The following ABCC5 variants were observed in gnomAD, a reference collection of about 807,000 sequenced individuals.
ABCC5 encodes ATP-binding cassette sub-family C member 5.
ABCC5 carries 61 observed loss-of-function variants against 160.9 expected under a neutral mutation model. That is an observed-to-expected ratio of 0.38 (90% CI 0.31 to 0.47). The LOEUF is 0.47. ABCC5 is among the 20% of genes least tolerant of loss of function. ABCC5 has a pLI of 0.99. For missense variants in ABCC5, 1,308 were observed against 1,813.3 expected (o/e 0.72, Z 5.06); for synonymous variants, 666 against 700.6 (o/e 0.95, Z 0.78).
Position 183,942,870 on chromosome 3 carries a change from G to A in ABCC5, c.3551C>T (p.Ser1184Phe). 6.2e-7 allele frequency: 1 copy of A among 1,614,106 alleles called. No homozygotes were observed. The highest frequency in any genetic ancestry group is 2.2e-5 in the East Asian group (1 of 44,882). Residue 1184 changes from serine (S) to phenylalanine (F), a missense_variant, in exon 25 of 30, where the codon TCC becomes TTC. Coordinates refer to ENST00000334444, the MANE Select transcript of ABCC5 (RefSeq NM_005688.4). Reference protein sequence around the residue: ...APARIKNKAPSPDWPQEGEVT... With the variant: ...APARIKNKAPFPDWPQEGEVT... Reference sequence around the variant, plus strand: ...CTCTCCCTCCTGGGGCCAGTCAGGGGAGGGAGCCTTGTTCTTAATTCTGGC... The same window carrying A: ...CTCTCCCTCCTGGGGCCAGTCAGGGAAGGGAGCCTTGTTCTTAATTCTGGC...
chr3:183,984,633 C>T (rs760414761), intron 5 of ABCC5: 14 of 1,419,226 alleles, frequency 9.9e-6, no homozygotes, highest in Non-Finnish European at 1.3e-5. Context: ...CTTCAGATTC[C>T]AAGAACTACT....
At chr3:184,009,900 G>T in intron 2 of ABCC5, 1 of 399,136 alleles carries the variant, frequency 2.5e-6, no homozygotes, top group Non-Finnish European at 5.1e-6. Flanking sequence ...TGTAATCCCA[G>T]CACTTTGGGA....
Position 183,937,823 on chromosome 3 carries a change from G to C in ABCC5, c.3854+78C>G, listed in dbSNP as rs971848580. Reference sequence around the variant, plus strand: ...GGTGAGCTCATGGTCCCAGGGGGCGGTGCTAGCATCATGTGGTCCCACATG... The same window carrying C: ...GGTGAGCTCATGGTCCCAGGGGGCGCTGCTAGCATCATGTGGTCCCACATG... On this transcript the variant is annotated intron_variant, in intron 26 of 29. Coordinates refer to ENST00000334444, the MANE Select transcript of ABCC5 (RefSeq NM_005688.4). 3 of 1,509,048 alleles carry C rather than the reference G, an allele frequency of 2.0e-6. No individual in the cohort carries two copies. In the African/African-American group the frequency reaches 4.1e-5, roughly 21 times the overall value. The allele number at this position is 1,509,048 out of a possible 1,614,324, so 93.5% of individuals were successfully genotyped here.
chr3:183,966,009 G>A (rs573990664), intron 12 of ABCC5, among the ~76,000 whole-genome samples: 62 of 152,316 alleles, frequency 4.1e-4, no homozygotes, highest in Admixed American at 1.1e-3. Context: ...ATTTACCAAT[G>A]ATGGACCTTG....
At chr3:183,984,650 C>T in intron 5 of ABCC5, 1 of 1,442,600 alleles carries the variant, frequency 6.9e-7, no homozygotes, top group Non-Finnish European at 9.1e-7. Context: ...TACTGTATTC[C>T]ACCTCTCCCC....
rs775238091 is a variant in ABCC5, at chr3:183,947,386, C to T, written c.3352G>A (p.Val1118Ile). 5.0e-6 allele frequency: 8 copies of T among 1,613,536 alleles called. No individual in the cohort carries two copies. The highest frequency in any genetic ancestry group is 2.7e-5 in the African/African-American group (2 of 74,828). ...GGGGGAATCTGCCCGTGCATAAGAA[C>T]GATCATCAGCCCCGTGGTGGTGATG... ...ALITTTGLMI[V>I]LMHGQIPPAY... Residue 1118 changes from valine to isoleucine, a missense_variant, in exon 23 of 30, where the codon GTT (valine) becomes ATT (isoleucine). Val to Ile is a conservative substitution (Grantham distance 29). Around this residue, in one of 3 missense-constraint regions of ABCC5, gnomAD observed 1,142 missense variants for 1,527.1 expected, o/e 0.75. Coordinates refer to ENST00000334444, the MANE Select transcript of ABCC5 (RefSeq NM_005688.4).
intron 5 of ABCC5, chr3:183,985,687 T>C (rs1356733031): frequency 9.7e-6 from 4 of 412,506 alleles, no homozygotes; most frequent in Non-Finnish European, 1.8e-5. Context: ...AAAGCATCTC[T>C]GTAAGTGTAG....
Position 183,949,806 on chromosome 3 carries a change from T to C in ABCC5, c.3174A>G (p.Ile1058Met). Reference protein sequence around the residue: ...SPFLSHITSSIQGLATIHAYN... With the variant: ...SPFLSHITSSMQGLATIHAYN... ...AGGCGTGGATGGTGGCAAGGCCCTG[T>C]ATGCTGGACGTGATGTGGGAGAGGA... Residue 1058 changes from isoleucine to methionine, a missense_variant, in exon 22 of 30, where the codon ATA becomes ATG. Coordinates refer to ENST00000334444, the MANE Select transcript of ABCC5 (RefSeq NM_005688.4). The surrounding 1 kb of genome is among the most constrained non-coding windows in gnomAD (Gnocchi z 4.2). 6.2e-7 allele frequency: 1 copy of C among 1,614,210 alleles called. No homozygotes were observed. The highest frequency in any genetic ancestry group is 8.5e-7 in the Non-Finnish European group (1 of 1,180,044).
chr3:183,983,349 G>T (rs1718911848), intron 5 of ABCC5: 3 of 299,234 alleles, frequency 1.0e-5, no homozygotes, highest in East Asian at 6.6e-5. Flanking sequence ...CTCCACACAT[G>T]GATACATTTG....
At chr3:183,962,967 A>G (rs1716910091) in intron 15 of ABCC5, among the ~76,000 whole-genome samples, 2 of 152,230 alleles carry the variant, frequency 1.3e-5, no homozygotes, top group South Asian at 2.1e-4. Context: ...ACGTGACAAC[A>G]TATGTGAGCC....
At chr3:184,005,411 T>C (rs530338343) in intron 2 of ABCC5, among the ~76,000 whole-genome samples, 1 of 152,276 alleles carries the variant, frequency 6.6e-6, no homozygotes, top group Admixed American at 6.5e-5. Context: ...TCTAATTATC[T>C]AAATAGGCTA....
At chr3:183,958,142 A>G (rs1716389707) in intron 17 of ABCC5, among the ~76,000 whole-genome samples, 1 of 152,206 alleles carries the variant, frequency 6.6e-6, no homozygotes, top group Admixed American at 6.5e-5. Flanking sequence ...ATCCGTGTGT[A>G]TATCACATTG....
Position 184,014,425 on chromosome 3 carries a change from C to G in ABCC5, c.-33G>C. ...GAGTGGAGGTTCCAGGGCTCACAGACTGTTAGTTTCACATCAGAATTCCTG... is the reference window on the plus strand; with the variant it reads ...GAGTGGAGGTTCCAGGGCTCACAGAGTGTTAGTTTCACATCAGAATTCCTG... On this transcript the variant is annotated 5_prime_UTR_variant, in exon 2 of 30. Transcript: ENST00000334444. 14 of 1,574,272 alleles carry G rather than the reference C, an allele frequency of 8.9e-6. No individual in the cohort carries two copies. The highest frequency in any genetic ancestry group is 1.1e-5 in the Non-Finnish European group (13 of 1,162,018).
At chr3:183,952,722 T>C (rs983245179) in intron 18 of ABCC5, among the ~76,000 whole-genome samples, 12 of 152,206 alleles carry the variant, frequency 7.9e-5, no homozygotes, top group African/African-American at 2.9e-4. Flanking sequence ...TCCACCATGA[T>C]TGTAAGTTTC....
intron 10 of ABCC5, 148 bp from the exon 11 acceptor site, chr3:183,972,067 C>T: frequency 6.6e-7 from 1 of 1,517,364 alleles, no homozygotes. Context: ...TTAGTGCAGC[C>T]CAATCTCAGG....
chr3:184,012,001 A>G (rs1721784270), intron 2 of ABCC5, among the ~76,000 whole-genome samples: 3 of 128,900 alleles, frequency 2.3e-5, no homozygotes, highest in Non-Finnish European at 5.1e-5. Context: ...CCTTTAAAAA[A>G]TGCATAGAAC....
At chr3:183,927,511 C>A in intron 27 of ABCC5, 68 bp from the exon 28 acceptor site, 1 of 1,539,434 alleles carries the variant, frequency 6.5e-7, no homozygotes, top group Non-Finnish European at 8.8e-7. Flanking sequence ...AATCCAAGGA[C>A]AGAAAGAAAT....
intron 24 of ABCC5, 41 bp downstream of exon 24, chr3:183,945,809 A>G (rs950875894): frequency 2.0e-6 from 3 of 1,537,692 alleles, no homozygotes; most frequent in Non-Finnish European, 1.8e-6. Flanking sequence ...ACCGACTCCA[A>G]GAGGAGTCAG....
Position 183,934,461 on chromosome 3 carries a change from T to C in ABCC5, c.3854+3440A>G, listed in dbSNP as rs560704203. Among the ~76,000 whole-genome samples the C allele has an allele frequency of 2.0e-5, 3 of 152,300 alleles. 1 individual carries two copies. The South Asian group carries it at 6.2e-4, about 32-fold the overall frequency. ...AGAGCTGGCAAAAATTTAACTGAAA[T>C]GATTTTCTCACTTTGCACAGCTGAC... On this transcript the variant is annotated intron_variant, in intron 26 of 29. Transcript: ENST00000334444.
Sources: gnomAD v4.1 joint callset for allele counts (sites outside exome capture counted in the v4.1 genomes callset) on GRCh38, gnomAD v4.1.1 for gene constraint, gnomAD v4.1.1 regional missense constraint, Gnocchi (gnomAD v3.1) non-coding constraint, MANE v1.5 for transcripts, NCBI Gene and HGNC (gene_info 2026-07-23, HGNC 2026-07-21) for gene names.